Variants in DAP3 observed in about 807,000 individuals in gnomAD.
DAP3 encodes the protein death associated protein 3.
Under a neutral mutation model 51.9 loss-of-function variants are expected in DAP3, and 28 were observed. That is an observed-to-expected ratio of 0.54 (90% CI 0.40 to 0.74). The LOEUF (loss-of-function observed/expected upper bound fraction) is 0.74, where lower values mean the gene tolerates loss of function less well. DAP3 is among the 30% of genes least tolerant of loss of function. The pLI, the probability that DAP3 is intolerant of heterozygous loss-of-function variation, is 0.00. For missense variants in DAP3, 458 were observed against 483.5 expected (o/e 0.95, Z 0.49); for synonymous variants, 170 against 170.3 (o/e 1.00, Z 0.01).
chr1:155,716,150 G>A (rs75673622), intron 2 of DAP3, among the ~76,000 whole-genome samples: 30 of 152,296 alleles, frequency 2.0e-4, no homozygotes, highest in African/African-American at 6.5e-4. Context: ...AGAATTGTTT[G>A]TTTCCGTATA....
At chr1:155,722,238 C>G (rs551225866) in intron 4 of DAP3, among the ~76,000 whole-genome samples, 2 of 152,116 alleles carry the variant, frequency 1.3e-5, no homozygotes, top group Admixed American at 1.3e-4. Flanking sequence ...AGACCTGTCT[C>G]TACAAAAATT....
chr1:155,707,412 C>CA (rs199683444), intron 1 of DAP3, among the ~76,000 whole-genome samples: 3,283 of 91,370 alleles, frequency 0.036, 111 homozygotes, highest in African/African-American at 0.12. Flanking sequence ...GACTCCGTCT[C>CA]AAAAAAAAAA....
In DAP3 at chr1:155,724,378, A is replaced by G. The variant is rs148001269; in HGVS notation, c.271-1004A>G. On this transcript the variant is annotated intron_variant, in intron 4 of 12. Coordinates refer to ENST00000368336, the MANE Select transcript of DAP3 (RefSeq NM_004632.4). ...AGGCCAGGTGCGGTGGCTCACGCCT[A>G]TAATCCCAGCACCTTGGGAGGCTGA... Among the ~76,000 whole-genome samples the G allele has an allele frequency of 4.2e-3, 625 of 149,188 alleles. 36 individuals carry two copies. The East Asian group carries it at 0.11, about 26-fold the overall frequency.
chr1:155,727,781 T>C (rs368454030), intron 7 of DAP3, 43 bp downstream of exon 7: 1 of 1,600,794 alleles, frequency 6.2e-7, no homozygotes, highest in African/African-American at 1.3e-5. Flanking sequence ...AGTCCTTACA[T>C]GGATTCTTTG....
Position 155,689,151 on chromosome 1 carries a change from T to A in DAP3, c.-31T>A, listed in dbSNP as rs1653274093. The stretch of plus-strand genomic sequence containing the variant: ...GGCAGCGTGTGTCGGTCGCCTAGTC[T>A]GGAGAACTAGTCCTCGACTCACGGT... On this transcript the variant is annotated 5_prime_UTR_variant, in exon 1 of 13. Coordinates refer to ENST00000368336, the MANE Select transcript of DAP3 (RefSeq NM_004632.4). The A allele has an allele frequency of 9.9e-6, 8 of 805,848 alleles. No individual in the cohort carries two copies. The highest frequency in any genetic ancestry group is 2.9e-5 in the South Asian group (2 of 68,584). 49.9% of individuals were successfully genotyped at this position (805,848 alleles called of 1,614,324 possible). A position where few individuals can be genotyped will look rare whatever the true frequency, so the allele number is the denominator to read the frequency against.
chr1:155,704,041 G>A (rs181207412), intron 1 of DAP3, among the ~76,000 whole-genome samples: 9 of 152,274 alleles, frequency 5.9e-5, no homozygotes, highest in Admixed American at 3.9e-4. Context: ...CAGTTACTTA[G>A]GAGGCTGAGA....
intron 1 of DAP3, among the ~76,000 whole-genome samples, chr1:155,696,061 C>T (rs563094809): frequency 3.6e-4 from 55 of 152,274 alleles, no homozygotes; most frequent in African/African-American, 1.3e-3. Context: ...TCTTATTGGG[C>T]TCAGTGCCAT....
chr1:155,722,052 G>A (rs1388912531), intron 4 of DAP3: 8 of 191,008 alleles, frequency 4.2e-5, no homozygotes, highest in Non-Finnish European at 8.7e-5. Flanking sequence ...TTTAGCATGC[G>A]AGCCAGAGGA....
At chr1:155,693,760 G>C (rs1166684556) in intron 1 of DAP3, among the ~76,000 whole-genome samples, 1 of 141,540 alleles carries the variant, frequency 7.1e-6, no homozygotes, top group East Asian at 1.9e-4. Flanking sequence ...TCGGGAGTTC[G>C]AGACCAGTCT....
chr1:155,721,417 T>C (rs565822824), intron 3 of DAP3, 100 bp from the exon 4 acceptor site: 419 of 615,142 alleles, frequency 6.8e-4, no homozygotes, highest in Middle Eastern at 4.0e-3. Flanking sequence ...TATATATATA[T>C]ACACATAGAC....
chr1:155,722,816 A>T (rs1335197783), intron 4 of DAP3, among the ~76,000 whole-genome samples: 1 of 152,106 alleles, frequency 6.6e-6, no homozygotes, highest in Non-Finnish European at 1.5e-5. Flanking sequence ...AATTTTAATT[A>T]AAAAAAATTT....
chr1:155,726,240 A>C (rs1162213749), intron 6 of DAP3: 11 of 326,482 alleles, frequency 3.4e-5, no homozygotes, highest in Non-Finnish European at 2.2e-5. Context: ...CAGCCTCCCA[A>C]GTAGCTGGGA....
intron 1 of DAP3, among the ~76,000 whole-genome samples, chr1:155,707,618 C>T (rs781327244): frequency 1.3e-5 from 2 of 152,078 alleles, no homozygotes; most frequent in Non-Finnish European, 2.9e-5. Context: ...AATAAATTCT[C>T]ATGTATCCAT....
At chr1:155,722,104 A>G (rs1020268820) in intron 4 of DAP3, 1 of 171,596 alleles carries the variant, frequency 5.8e-6, no homozygotes, top group Admixed American at 5.7e-5. Context: ...AATTAGATGA[A>G]TAATAAGGGC....
At chr1:155,725,305 T>C in intron 4 of DAP3, 77 bp from the exon 5 acceptor site, 4 of 1,307,542 alleles carry the variant, frequency 3.1e-6, no homozygotes, top group Admixed American at 1.7e-5. Flanking sequence ...GTTGCCACTT[T>C]AGGCAGAGTA....
intron 7 of DAP3, among the ~76,000 whole-genome samples, chr1:155,728,352 A>C (rs979835138): frequency 1.3e-5 from 2 of 152,204 alleles, no homozygotes; most frequent in African/African-American, 4.8e-5. Context: ...ACCTGAGGTC[A>C]GGAGTTCAAG....
At chr1:155,703,883 C>T (rs1055034524) in intron 1 of DAP3, among the ~76,000 whole-genome samples, 26 of 152,154 alleles carry the variant, frequency 1.7e-4, no homozygotes, top group African/African-American at 6.0e-4. Context: ...CATAGTGGCT[C>T]GCGCCTGCAA....
chr1:155,727,518 C>G, intron 6 of DAP3, 90 bp from the exon 7 acceptor site: 1 of 1,320,312 alleles, frequency 7.6e-7, no homozygotes, highest in Non-Finnish European at 1.0e-6. Context: ...AAACTAAAGT[C>G]ATTTCCCATA....
intron 12 of DAP3, among the ~76,000 whole-genome samples, chr1:155,737,580 G>A (rs1259874882): frequency 6.6e-6 from 1 of 152,144 alleles, no homozygotes; most frequent in East Asian, 1.9e-4. Context: ...TGAGTATGAA[G>A]AGGGGATATA....
Sources: gnomAD v4.1 joint callset for allele counts (sites outside exome capture counted in the v4.1 genomes callset) on GRCh38, gnomAD v4.1.1 for gene constraint, MANE v1.5 for transcripts, NCBI Gene and HGNC (gene_info 2026-07-23, HGNC 2026-07-21) for gene names.